The following KCNQ5 variants were observed in gnomAD, a reference collection of about 807,000 sequenced individuals.
KCNQ5 encodes potassium voltage-gated channel subfamily Q member 5, also known as potassium voltage-gated channel subfamily KQT member 5.
A neutral mutation model predicts 98.2 loss-of-function variants in KCNQ5; 30 were observed. The observed-to-expected ratio is 0.31, with a 90% confidence interval of 0.23 to 0.41. KCNQ5 has a LOEUF of 0.41. Ranked by LOEUF, KCNQ5 falls within the 10% of genes least tolerant of loss-of-function variation. The pLI, the probability that KCNQ5 is intolerant of heterozygous loss-of-function variation, is 1.00. For synonymous variants in KCNQ5, 458 were observed against 449.4 expected (o/e 1.02, Z -0.24); for missense variants, 835 against 1,182.5 (o/e 0.71, Z 4.31).
chr6:72,922,778 T>TA (rs1780459649), intron 1 of KCNQ5, among the ~76,000 whole-genome samples: 1 of 151,354 alleles, frequency 6.6e-6, no homozygotes, highest in African/African-American at 2.4e-5. Context: ...ATTGGGTATA[T>TA]AGGACACCTT....
At chr6:72,650,262 A>C (rs1047297207) in intron 1 of KCNQ5, among the ~76,000 whole-genome samples, 4 of 152,144 alleles carry the variant, frequency 2.6e-5, no homozygotes, top group Non-Finnish European at 5.9e-5. Context: ...GTGTATAAAA[A>C]CAGTGACTCA....
chr6:72,961,527 C>G (rs1767350271), intron 1 of KCNQ5, among the ~76,000 whole-genome samples: 1 of 148,834 alleles, frequency 6.7e-6, no homozygotes, highest in South Asian at 2.1e-4. Context: ...GAGGCTGAGG[C>G]AGGAGAATGG....
At chr6:72,876,933 G>C (rs917571248) in intron 1 of KCNQ5, among the ~76,000 whole-genome samples, 11 of 152,178 alleles carry the variant, frequency 7.2e-5, no homozygotes, top group Non-Finnish European at 1.3e-4. Flanking sequence ...GTGATCACTG[G>C]GATGGGACCT....
At chr6:72,986,071 A>T (rs867778104) in intron 1 of KCNQ5, among the ~76,000 whole-genome samples, 1 of 152,178 alleles carries the variant, frequency 6.6e-6, no homozygotes, top group Non-Finnish European at 1.5e-5. Flanking sequence ...TCTACTAAAA[A>T]TACAAAAAAT....
intron 1 of KCNQ5, among the ~76,000 whole-genome samples, chr6:72,829,802 A>T (rs1424074537): frequency 1.3e-5 from 2 of 152,174 alleles, no homozygotes; most frequent in African/African-American, 2.4e-5. Context: ...AAGTTTACAT[A>T]AAAAAGAACG....
At chr6:72,664,254 T>TA (rs1214397468) in intron 1 of KCNQ5, among the ~76,000 whole-genome samples, 1 of 152,190 alleles carries the variant, frequency 6.6e-6, no homozygotes, top group Non-Finnish European at 1.5e-5. Flanking sequence ...TTCACACAGT[T>TA]AAATTTATTC....
chr6:72,637,223 G>T (rs2098924689), intron 1 of KCNQ5, among the ~76,000 whole-genome samples: 1 of 150,684 alleles, frequency 6.6e-6, no homozygotes, highest in African/African-American at 2.4e-5. Context: ...CCCTAAATGG[G>T]TTAAGAACAA....
At chr6:72,729,565 G>A (rs1236450633) in intron 1 of KCNQ5, among the ~76,000 whole-genome samples, 3 of 152,172 alleles carry the variant, frequency 2.0e-5, no homozygotes, top group Admixed American at 1.3e-4. Context: ...CACCATGGCT[G>A]GCCTGGTTTA....
chr6:73,129,272 G>A (rs572488225), intron 9 of KCNQ5, among the ~76,000 whole-genome samples: 6 of 151,994 alleles, frequency 3.9e-5, no homozygotes, highest in Non-Finnish European at 7.4e-5. Context: ...CTTTTCTTTC[G>A]TTTCTTACAA....
rs569511517 is a variant in KCNQ5 at position 73,000,633 on chromosome 6, C to G, written c.399-3275C>G. ...GACTTGTACAGTCATCTCAGACTTTCCAGCCACCACACCCGCTTCCCAGAC... is the reference window on the plus strand; with the variant it reads ...GACTTGTACAGTCATCTCAGACTTTGCAGCCACCACACCCGCTTCCCAGAC... On this transcript the variant is annotated intron_variant, in intron 1 of 13. Coordinates refer to ENST00000370398, the MANE Select transcript of KCNQ5 (RefSeq NM_019842.4). 3.1e-4 allele frequency among the ~76,000 whole-genome samples: 47 copies of G among 152,280 alleles called. No homozygotes were observed. The South Asian group carries it at 9.3e-3, about 30-fold the overall frequency.
At chr6:72,722,501 C>T (rs762242633) in intron 1 of KCNQ5, among the ~76,000 whole-genome samples, 22 of 152,156 alleles carry the variant, frequency 1.4e-4, no homozygotes, top group Non-Finnish European at 2.2e-4. Flanking sequence ...CCACAACTAC[C>T]TTGGAGAAGT....
intron 1 of KCNQ5, among the ~76,000 whole-genome samples, chr6:72,981,786 G>C (rs1465029100): frequency 6.6e-6 from 1 of 152,142 alleles, no homozygotes; most frequent in South Asian, 2.1e-4. Context: ...GCTTTCTCTT[G>C]TGGGCATTTA....
intron 10 of KCNQ5, among the ~76,000 whole-genome samples, chr6:73,162,420 A>G (rs1287121417): frequency 6.6e-6 from 1 of 152,236 alleles, no homozygotes; most frequent in Non-Finnish European, 1.5e-5. Flanking sequence ...GATCCCTCAC[A>G]GAGAGCAGGA....
chr6:72,867,560 CAA>C (rs1778036818), intron 1 of KCNQ5, among the ~76,000 whole-genome samples: 2 of 152,122 alleles, frequency 1.3e-5, no homozygotes, highest in Admixed American at 6.6e-5. Context: ...TAAAACTTCA[CAA>C]AGAGGTATAG....
intron 2 of KCNQ5, among the ~76,000 whole-genome samples, chr6:73,007,891 T>A (rs1769884875): frequency 6.6e-6 from 1 of 152,134 alleles, no homozygotes; most frequent in Admixed American, 6.5e-5. Flanking sequence ...CCTCCCCACA[T>A]CCTTCATTTT....
At chr6:72,965,933 C>A (rs1027875483) in intron 1 of KCNQ5, among the ~76,000 whole-genome samples, 4 of 152,132 alleles carry the variant, frequency 2.6e-5, no homozygotes, top group African/African-American at 9.7e-5. Context: ...TTATGCAGAT[C>A]AACCTCTTGG....
intron 5 of KCNQ5, among the ~76,000 whole-genome samples, chr6:73,096,255 G>A (rs148583244): frequency 2.5e-4 from 37 of 148,562 alleles, no homozygotes; most frequent in Non-Finnish European, 4.1e-4. Flanking sequence ...CTGTGGAGCT[G>A]ACATTTCAGC....
intron 11 of KCNQ5, among the ~76,000 whole-genome samples, chr6:73,180,410 A>G (rs1778367159): frequency 6.6e-6 from 1 of 152,256 alleles, no homozygotes; most frequent in Non-Finnish European, 1.5e-5. Context: ...TTCTTGCATG[A>G]AACTTCAGAC....
chr6:72,811,111 A>C (rs1775220380), intron 1 of KCNQ5, among the ~76,000 whole-genome samples: 1 of 152,204 alleles, frequency 6.6e-6, no homozygotes, highest in Non-Finnish European at 1.5e-5. Flanking sequence ...TGGCTCCAAA[A>C]TGAAAGGAGA....
Sources: gnomAD v4.1 joint callset for allele counts (sites outside exome capture counted in the v4.1 genomes callset) on GRCh38, gnomAD v4.1.1 for gene constraint, MANE v1.5 for transcripts, NCBI Gene and HGNC (gene_info 2026-07-23, HGNC 2026-07-21) for gene names.